MMUT: variants seen among roughly 807,000 people sequenced by gnomAD.
MMUT encodes the protein methylmalonyl-CoA mutase, mitochondrial.
MMUT carries 79 observed loss-of-function variants against 79.9 expected under a neutral mutation model. The ratio of observed to expected loss-of-function variants is 0.99; its 90% CI spans 0.82 to 1.19. The LOEUF is 1.19. Ranked by LOEUF, MMUT falls within the 50% of genes most tolerant of loss-of-function variation. The probability of loss-of-function intolerance (pLI) is 0.00; values close to 1 mark genes in which losing one functional copy is unlikely to be tolerated. For synonymous variants in MMUT, 273 were observed against 295.7 expected (o/e 0.92, Z 0.79); for missense variants, 860 against 917.2 (o/e 0.94, Z 0.81).
intron 1 of MMUT, among the ~76,000 whole-genome samples, 198 bp from the exon 2 acceptor site, chr6:49,459,703 T>G (rs1035588104): frequency 1.3e-5 from 2 of 152,126 alleles, no homozygotes; most frequent in Admixed American, 1.3e-4. Context: ...GTTTCAGTCT[T>G]TTTCCTCAGT....
intron 10 of MMUT, 131 bp from the exon 11 acceptor site, chr6:49,440,484 G>C (rs770331518): frequency 4.7e-6 from 5 of 1,053,492 alleles, no homozygotes; most frequent in Non-Finnish European, 6.8e-6. Flanking sequence ...TTGTATTTTG[G>C]GTTGTTTTTT....
rs1767241391 is a variant in MMUT at position 49,440,313 on chromosome 6, G to A, written c.1849C>T (p.Leu617Phe). Residue 617 changes from leucine (L) to phenylalanine (F), a missense_variant, in exon 11 of 13, where the codon CTT (leucine) becomes TTT (phenylalanine). Physicochemically the swap from Leu to Phe is conservative, Grantham distance 22. Coordinates refer to ENST00000274813, the MANE Select transcript of MMUT (RefSeq NM_000255.4). ...FMEREGRRPRLLVAKMGQDGH... is the reference protein window; with the variant it reads ...FMEREGRRPRFLVAKMGQDGH... The stretch of plus-strand genomic sequence containing the variant: ...TCTTGTCCCATTTTTGCTACAAGAA[G>A]ACGAGGTCTGCGACCTTCACGTTCC... The A allele has an allele frequency of 6.2e-7, 1 of 1,614,016 alleles. No individual in the cohort carries two copies. Among genetic ancestry groups the A allele is most frequent in the Non-Finnish European group, 8.5e-7 (1 of 1,179,960 alleles).
chr6:49,444,628 T>C lies in MMUT; in HGVS notation c.1676+11A>G, dbSNP rs1403805254. On this transcript the variant is annotated intron_variant, in intron 9 of 12. Transcript: ENST00000274813. ...TAGTCTTTGGAAACCTCCAAACTTA[T>C]ATATCTTCACCTTGCCCGAGATGCA... 14 of 1,606,936 alleles carry C rather than the reference T, an allele frequency of 8.7e-6. 1 individual carries two copies. The highest frequency in any genetic ancestry group is 1.7e-4 in the Middle Eastern group (1 of 6,044).
intron 1 of MMUT, among the ~76,000 whole-genome samples, chr6:49,460,038 T>C (rs1767800969): frequency 6.6e-6 from 1 of 152,236 alleles, no homozygotes; most frequent in South Asian, 2.1e-4. Flanking sequence ...TTGTCCTCTT[T>C]ATGCATTTTG....
At chr6:49,433,913 C>T (rs772330604) in intron 12 of MMUT, among the ~76,000 whole-genome samples, 4 of 152,154 alleles carry the variant, frequency 2.6e-5, no homozygotes, top group African/African-American at 4.8e-5. Context: ...GGTCCTTATC[C>T]TTAGTTGTTA....
chr6:49,449,131 C>T (rs542429272), intron 6 of MMUT, among the ~76,000 whole-genome samples: 1 of 152,010 alleles, frequency 6.6e-6, no homozygotes, highest in Non-Finnish European at 1.5e-5. Context: ...AGACAACTAA[C>T]AAGTATATTC....
chr6:49,454,845 A>G (rs1767646134), intron 4 of MMUT, among the ~76,000 whole-genome samples: 2 of 152,160 alleles, frequency 1.3e-5, no homozygotes, highest in Admixed American at 6.5e-5. Context: ...CAGGAGTTTG[A>G]TACCAGCTAG....
intron 1 of MMUT, among the ~76,000 whole-genome samples, chr6:49,461,867 C>G (rs1378871150): frequency 6.6e-6 from 1 of 152,010 alleles, no homozygotes; most frequent in East Asian, 1.9e-4. Context: ...GCAAGCCATC[C>G]ACTACATTTA....
intron 11 of MMUT, among the ~76,000 whole-genome samples, chr6:49,438,637 G>A (rs1442964458): frequency 2.6e-5 from 4 of 152,078 alleles, no homozygotes; most frequent in African/African-American, 7.2e-5. Flanking sequence ...AATACTCCAT[G>A]TCAACTTGGT....
chr6:49,456,355 T>C, intron 3 of MMUT, 118 bp from the exon 4 acceptor site: 1 of 753,280 alleles, frequency 1.3e-6, no homozygotes, highest in East Asian at 2.7e-5. Flanking sequence ...ATAAACTTGG[T>C]AGTTCATAAT....
intron 2 of MMUT, among the ~76,000 whole-genome samples, 166 bp downstream of exon 2, chr6:49,458,916 T>C (rs915798046): frequency 6.6e-6 from 1 of 152,224 alleles, no homozygotes; most frequent in South Asian, 2.1e-4. Context: ...AATTCACTTA[T>C]CTTTTTGACC....
At chr6:49,442,801 C>A (rs1379702990) in intron 9 of MMUT, among the ~76,000 whole-genome samples, 1 of 151,990 alleles carries the variant, frequency 6.6e-6, no homozygotes. Flanking sequence ...GCATTAGGAA[C>A]ACGGCATAGT....
chr6:49,456,693 A>G (rs1181703153), intron 3 of MMUT, among the ~76,000 whole-genome samples: 8 of 152,214 alleles, frequency 5.3e-5, no homozygotes, highest in Admixed American at 3.3e-4. Context: ...AGTTTGAATG[A>G]AGGCATCAAA....
chr6:49,454,261 G>C (rs1218802919), intron 4 of MMUT, among the ~76,000 whole-genome samples: 3 of 152,118 alleles, frequency 2.0e-5, no homozygotes, highest in Non-Finnish European at 4.4e-5. Flanking sequence ...TAGGTTACTT[G>C]CCTGTCTCTA....
chr6:49,435,362 T>C, intron 12 of MMUT, 94 bp downstream of exon 12: 1 of 1,256,078 alleles, frequency 8.0e-7, no homozygotes, highest in South Asian at 1.2e-5. Flanking sequence ...AATAATATGT[T>C]CCTAAATCTA....
intron 1 of MMUT, among the ~76,000 whole-genome samples, chr6:49,461,814 T>G (rs1767854402): frequency 6.6e-6 from 1 of 152,142 alleles, no homozygotes; most frequent in Non-Finnish European, 1.5e-5. Flanking sequence ...CTAGCACGAT[T>G]TTTATTCTTT....
At chr6:49,437,075 C>CA (rs1195087046) in intron 11 of MMUT, among the ~76,000 whole-genome samples, 1 of 152,018 alleles carries the variant, frequency 6.6e-6, no homozygotes, top group African/African-American at 2.4e-5. Flanking sequence ...AAAAAACAAA[C>CA]AAAAAATAAT....
chr6:49,444,374 C>A (rs527275801), intron 9 of MMUT, among the ~76,000 whole-genome samples: 2 of 151,978 alleles, frequency 1.3e-5, no homozygotes, highest in African/African-American at 2.4e-5. Flanking sequence ...TTTCAACCTG[C>A]GAATCAGTGA....
chr6:49,434,469 A>G (rs1477960538), intron 12 of MMUT, among the ~76,000 whole-genome samples: 1 of 152,156 alleles, frequency 6.6e-6, no homozygotes, highest in Non-Finnish European at 1.5e-5. Context: ...GCTGGAAACA[A>G]GGTCACATTT....
Sources: allele counts gnomAD v4.1 joint callset (sites outside exome capture counted in the v4.1 genomes callset), GRCh38; gene constraint gnomAD v4.1.1; transcripts MANE v1.5; gene names NCBI Gene and HGNC (gene_info 2026-07-23, HGNC 2026-07-21).